The following MSI2 variants were observed in gnomAD, a reference collection of about 807,000 sequenced individuals.
MSI2 encodes RNA-binding protein Musashi homolog 2.
Under a neutral mutation model 45.6 loss-of-function variants are expected in MSI2, and 17 were observed. The ratio of observed to expected loss-of-function variants is 0.37; its 90% confidence interval spans 0.26 to 0.56. The LOEUF (loss-of-function observed/expected upper bound fraction) is 0.56, where lower values mean the gene tolerates loss of function less well. MSI2 is among the 20% of genes least tolerant of loss of function. The pLI, the probability that MSI2 is intolerant of heterozygous loss-of-function variation, is 0.77. For missense variants in MSI2, 293 were observed against 444.2 expected (o/e 0.66, Z 3.06); for synonymous variants, 156 against 158.2 (o/e 0.99, Z 0.11).
At chr17:57,647,448 CAAAA>C (rs573792115) in intron 10 of MSI2, among the ~76,000 whole-genome samples, 1 of 128,460 alleles carries the variant, frequency 7.8e-6, no homozygotes. Context: ...GACTCTGTCT[CAAAA>C]AAAAAAAAAA....
intron 5 of MSI2, among the ~76,000 whole-genome samples, chr17:57,347,263 A>AGG (rs1915686995): frequency 6.6e-6 from 1 of 152,218 alleles, no homozygotes; most frequent in African/African-American, 2.4e-5. Flanking sequence ...CTAGCATTGT[A>AGG]GAAAGAAGTG....
chr17:57,484,352 G>A lies in MSI2; in HGVS notation c.406-45324G>A, dbSNP rs193118653. The stretch of plus-strand genomic sequence containing the variant: ...TCCTTCGGGGGAAATGCCAAGCTTG[G>A]AAGGCCAGTGATTTCCTGGACGTTT... On this transcript the variant is annotated intron_variant, in intron 6 of 13. Transcript: ENST00000284073. Among the ~76,000 whole-genome samples, 924 of 152,314 alleles carry A rather than the reference G, an allele frequency of 6.1e-3. 2 individuals carry two copies. Among genetic ancestry groups the A allele is most frequent in the Non-Finnish European group, 9.1e-3 (622 of 68,032 alleles).
chr17:57,661,032 A>G (rs374332002), intron 11 of MSI2, among the ~76,000 whole-genome samples: 1 of 152,226 alleles, frequency 6.6e-6, no homozygotes, highest in African/African-American at 2.4e-5. Context: ...GTGGGAGGAC[A>G]AGTTACAGAT....
chr17:57,259,292 A>T (rs930948233), intron 4 of MSI2, among the ~76,000 whole-genome samples: 7 of 152,120 alleles, frequency 4.6e-5, no homozygotes, highest in African/African-American at 1.7e-4. Context: ...CTCCTCTGTG[A>T]TGGGGTAGTG....
At chr17:57,283,290 G>A (rs538660744) in intron 5 of MSI2, among the ~76,000 whole-genome samples, 4 of 152,176 alleles carry the variant, frequency 2.6e-5, no homozygotes, top group African/African-American at 9.6e-5. Context: ...AGCAGAGGCC[G>A]CACAGGGTCA....
intron 8 of MSI2, among the ~76,000 whole-genome samples, chr17:57,609,848 G>A (rs942326018): frequency 3.9e-5 from 6 of 152,164 alleles, no homozygotes; most frequent in South Asian, 2.1e-4. Flanking sequence ...AGGGTGTAAC[G>A]CAGGGCCACA....
At chr17:57,615,905 G>T (rs995696266) in intron 8 of MSI2, 65 bp from the exon 9 acceptor site, 2 of 1,268,418 alleles carry the variant, frequency 1.6e-6, no homozygotes, top group South Asian at 1.2e-5. Flanking sequence ...AACCAGACAG[G>T]TTCTGCATTT....
chr17:57,575,695 C>T (rs2144336970), intron 7 of MSI2, among the ~76,000 whole-genome samples: 1 of 152,226 alleles, frequency 6.6e-6, no homozygotes, highest in African/African-American at 2.4e-5. Context: ...CCTGTAATCC[C>T]AGCACTTTGG....
rs1488287097 is a variant in MSI2, at chr17:57,627,421, T to C, written c.727+118T>C. ...TACATGCATCCACTTGAAAATGACC[T>C]ATACATGATAAATTTCAAATCCACT... On this transcript the variant is annotated intron_variant, in intron 10 of 13. Transcript: ENST00000284073. This position sits in a 1 kb window ranked among gnomAD's most constrained non-coding sequence, Gnocchi z 4.6. The C allele has an allele frequency of 3.4e-6, 3 of 885,082 alleles. No homozygotes were observed. The highest frequency in any genetic ancestry group is 5.6e-6 in the Non-Finnish European group (3 of 536,936). 54.8% of individuals were successfully genotyped at this position (885,082 alleles called of 1,614,324 possible).
intron 6 of MSI2, among the ~76,000 whole-genome samples, chr17:57,468,343 C>A (rs2085367582): frequency 6.6e-6 from 1 of 151,302 alleles, no homozygotes; most frequent in Non-Finnish European, 1.5e-5. Flanking sequence ...CACGGTGAAA[C>A]CCCGTCTCTA....
At chr17:57,379,577 G>T (rs1486032964) in intron 5 of MSI2, among the ~76,000 whole-genome samples, 1 of 151,002 alleles carries the variant, frequency 6.6e-6, no homozygotes, top group Non-Finnish European at 1.5e-5. Context: ...AATGTCAGCT[G>T]TCGGCCATCA....
intron 6 of MSI2, among the ~76,000 whole-genome samples, chr17:57,488,999 G>C (rs1479227409): frequency 6.6e-6 from 1 of 152,120 alleles, no homozygotes; most frequent in African/African-American, 2.4e-5. Flanking sequence ...GCAGTGTCCC[G>C]AGGCCTTCAC....
chr17:57,493,862 A>G (rs2085923726), intron 6 of MSI2, among the ~76,000 whole-genome samples: 2 of 152,046 alleles, frequency 1.3e-5, no homozygotes, highest in South Asian at 4.2e-4. Context: ...CCATCACCCA[A>G]CACTGTGAGG....
chr17:57,450,279 GAAAGAAA>G (rs778728780), intron 6 of MSI2: 58 of 118,818 alleles, frequency 4.9e-4, no homozygotes, highest in East Asian at 2.6e-3. Context: ...AAGAAAGAAA[GAAAGAAA>G]GAAAGAAAGA....
intron 7 of MSI2, among the ~76,000 whole-genome samples, chr17:57,581,840 CAT>C (rs1461222586): frequency 2.6e-5 from 4 of 152,212 alleles, no homozygotes; most frequent in Non-Finnish European, 4.4e-5. Flanking sequence ...TCGCTTAACA[CAT>C]GTTTTAGCAA....
intron 8 of MSI2, among the ~76,000 whole-genome samples, chr17:57,604,804 T>C (rs1906342321): frequency 1.3e-5 from 2 of 152,040 alleles, no homozygotes. Flanking sequence ...AGCCCATCCA[T>C]GGAGGCCAGC....
At chr17:57,360,996 A>G (rs1291808380) in intron 5 of MSI2, among the ~76,000 whole-genome samples, 1 of 152,254 alleles carries the variant, frequency 6.6e-6, no homozygotes, top group Non-Finnish European at 1.5e-5. Flanking sequence ...AACAAGTGGA[A>G]TATTAACTCG....
intron 6 of MSI2, among the ~76,000 whole-genome samples, chr17:57,445,151 C>T (rs1022745895): frequency 6.6e-6 from 1 of 152,122 alleles, no homozygotes; most frequent in African/African-American, 2.4e-5. Context: ...AGAGGAGTCG[C>T]CGCAGACTTC....
At chr17:57,670,763 A>G (rs1912716615) in intron 11 of MSI2, among the ~76,000 whole-genome samples, 1 of 152,142 alleles carries the variant, frequency 6.6e-6, no homozygotes, top group African/African-American at 2.4e-5. Flanking sequence ...CCTATGTCAG[A>G]TTTTCCTAAA....
Sources: gnomAD v4.1 joint callset for allele counts (sites outside exome capture counted in the v4.1 genomes callset) on GRCh38, gnomAD v4.1.1 for gene constraint, Gnocchi (gnomAD v3.1) non-coding constraint, MANE v1.5 for transcripts, NCBI Gene and HGNC (gene_info 2026-07-23, HGNC 2026-07-21) for gene names.